Variants in KCNH7 observed in about 807,000 individuals in gnomAD.
KCNH7 encodes the protein potassium voltage-gated channel subfamily H member 7.
KCNH7 carries 49 observed loss-of-function variants against 120.8 expected under a neutral mutation model. That is an observed-to-expected ratio of 0.41 (90% CI 0.32 to 0.51). KCNH7 has a LOEUF of 0.51. Among genes scored for constraint, KCNH7 ranks in the 20% least tolerant of loss-of-function variants. The probability of loss-of-function intolerance (pLI) is 0.38; values close to 1 mark genes in which losing one functional copy is unlikely to be tolerated. For missense variants in KCNH7, 1,097 were observed against 1,446.6 expected, an observed-to-expected ratio of 0.76 and a Z score of 3.92; for synonymous variants, 547 against 516.1, an observed-to-expected ratio of 1.06 and a Z score of -0.81.
intron 2 of KCNH7, among the ~76,000 whole-genome samples, chr2:162,615,653 T>C (rs1350631333): frequency 1.3e-5 from 2 of 152,174 alleles, no homozygotes; most frequent in Non-Finnish European, 2.9e-5. Flanking sequence ...ACTTATCATT[T>C]ATGCAACATT....
chr2:162,737,381 A>T (rs188433349), intron 2 of KCNH7, among the ~76,000 whole-genome samples: 66 of 152,244 alleles, frequency 4.3e-4, no homozygotes, highest in Non-Finnish European at 7.1e-4. Flanking sequence ...TTTCAGAAAG[A>T]GGACAGGAGA....
chr2:162,445,356 A>G (rs1289246681), intron 7 of KCNH7, among the ~76,000 whole-genome samples: 1 of 152,168 alleles, frequency 6.6e-6, no homozygotes, highest in East Asian at 1.9e-4. Flanking sequence ...GAATTCAGAA[A>G]GTTTATAAAT....
intron 2 of KCNH7, among the ~76,000 whole-genome samples, chr2:162,651,473 T>C (rs1193111496): frequency 6.6e-6 from 1 of 152,178 alleles, no homozygotes; most frequent in African/African-American, 2.4e-5. Context: ...TACCTGGCTT[T>C]CTGTTCCTGT....
chr2:162,493,608 G>A (rs1281331213), intron 6 of KCNH7, among the ~76,000 whole-genome samples: 2 of 152,110 alleles, frequency 1.3e-5, no homozygotes, highest in Non-Finnish European at 2.9e-5. Context: ...AATTAACCAC[G>A]TCACTAACTA....
At chr2:162,509,914 AG>A in intron 5 of KCNH7, among the ~76,000 whole-genome samples, 1 of 151,612 alleles carries the variant, frequency 6.6e-6, no homozygotes, top group Non-Finnish European at 1.5e-5. Context: ...GATAGCAAGG[AG>A]GTGGGAGCAT....
intron 14 of KCNH7, among the ~76,000 whole-genome samples, chr2:162,377,323 A>G (rs1686237609): frequency 6.6e-6 from 1 of 152,204 alleles, no homozygotes; most frequent in South Asian, 2.1e-4. Flanking sequence ...CAAAGGAGAT[A>G]TAGTATTGGT....
At chr2:162,685,384 T>C (rs985854796) in intron 2 of KCNH7, among the ~76,000 whole-genome samples, 1 of 152,016 alleles carries the variant, frequency 6.6e-6, no homozygotes, top group Admixed American at 6.6e-5. Context: ...TCTGGGAACT[T>C]AGCATTATAC....
At chr2:162,372,219 G>T in intron 15 of KCNH7, 124 bp from the exon 16 acceptor site, 1 of 771,840 alleles carries the variant, frequency 1.3e-6, no homozygotes, top group Non-Finnish European at 2.0e-6. Flanking sequence ...AGTGATATTA[G>T]CCAACATTTC....
At chr2:162,491,867 G>A (rs1366039704) in intron 6 of KCNH7, among the ~76,000 whole-genome samples, 1 of 152,078 alleles carries the variant, frequency 6.6e-6, no homozygotes, top group Non-Finnish European at 1.5e-5. Flanking sequence ...TGAATCACTG[G>A]GATTCCTTTG....
intron 2 of KCNH7, among the ~76,000 whole-genome samples, chr2:162,654,347 G>C (rs1489001255): frequency 6.6e-6 from 1 of 151,180 alleles, no homozygotes. Flanking sequence ...GCTCTGAATA[G>C]AAATTACTCA....
intron 2 of KCNH7, among the ~76,000 whole-genome samples, chr2:162,596,280 A>G (rs193063185): frequency 6.6e-6 from 1 of 152,222 alleles, no homozygotes; most frequent in East Asian, 1.9e-4. Flanking sequence ...AACTGAAGGC[A>G]TTGTACTACC....
intron 9 of KCNH7, among the ~76,000 whole-genome samples, chr2:162,406,297 C>T (rs190357857): frequency 6.6e-6 from 1 of 151,890 alleles, no homozygotes; most frequent in East Asian, 2.0e-4. Context: ...AAAATGTATT[C>T]TCTAATAGAT....
intron 2 of KCNH7, among the ~76,000 whole-genome samples, chr2:162,790,984 G>A (rs1445285155): frequency 6.6e-6 from 1 of 152,150 alleles, no homozygotes; most frequent in Non-Finnish European, 1.5e-5. Context: ...ATTAGGCAAG[G>A]AAAAGAAATA....
At chr2:162,546,649 G>A (rs1178426908) in intron 2 of KCNH7, among the ~76,000 whole-genome samples, 1 of 152,172 alleles carries the variant, frequency 6.6e-6, no homozygotes, top group East Asian at 1.9e-4. Flanking sequence ...ACTGTCGAAA[G>A]GAACCATACA....
intron 2 of KCNH7, among the ~76,000 whole-genome samples, chr2:162,774,020 C>T (rs193110528): frequency 1.3e-5 from 2 of 151,894 alleles, no homozygotes; most frequent in South Asian, 2.1e-4. Flanking sequence ...ATTTGAGGTG[C>T]TATTTTAATT....
At chr2:162,763,013 A>G (rs551445164) in intron 2 of KCNH7, among the ~76,000 whole-genome samples, 1 of 152,230 alleles carries the variant, frequency 6.6e-6, no homozygotes, top group Admixed American at 6.6e-5. Context: ...TTATAATACA[A>G]TGGATAGAAC....
intron 2 of KCNH7, among the ~76,000 whole-genome samples, chr2:162,598,931 A>G (rs1486677973): frequency 6.6e-6 from 1 of 152,104 alleles, no homozygotes; most frequent in Non-Finnish European, 1.5e-5. Flanking sequence ...ATAATAGTTG[A>G]AACAGTAAAT....
intron 2 of KCNH7, among the ~76,000 whole-genome samples, chr2:162,644,212 C>G (rs1684271039): frequency 6.6e-6 from 1 of 152,018 alleles, no homozygotes; most frequent in Non-Finnish European, 1.5e-5. Flanking sequence ...TCAGTATCAA[C>G]AAATAACCTG....
At chr2:162,544,679 C>T (rs76058596) in intron 2 of KCNH7, among the ~76,000 whole-genome samples, 1,609 of 152,060 alleles carry the variant, frequency 0.011, 23 homozygotes, top group African/African-American at 0.037. Flanking sequence ...ACAGCTCTTC[C>T]CACTTCTTTC....
Sources: gnomAD v4.1 joint callset for allele counts (sites outside exome capture counted in the v4.1 genomes callset) on GRCh38, gnomAD v4.1.1 for gene constraint, MANE v1.5 for transcripts, NCBI Gene and HGNC (gene_info 2026-07-23, HGNC 2026-07-21) for gene names.